SPAG16: variants seen among roughly 807,000 people sequenced by gnomAD.
SPAG16 encodes the protein sperm-associated antigen 16 protein.
Under a neutral mutation model 80.4 loss-of-function variants are expected in SPAG16, and 86 were observed. The observed-to-expected ratio is 1.07, with a 90% CI of 0.90 to 1.28. The LOEUF (loss-of-function observed/expected upper bound fraction) is 1.28. SPAG16 is among the 50% of genes most tolerant of loss of function. The pLI is 0.00. For missense variants in SPAG16, 870 were observed against 765.3 expected (o/e 1.14, Z -1.61); for synonymous variants, 294 against 265.9 (o/e 1.11, Z -1.03).
chr2:213,550,204 G>A (rs1319544061), intron 10 of SPAG16, among the ~76,000 whole-genome samples: 1 of 150,334 alleles, frequency 6.7e-6, no homozygotes, highest in Non-Finnish European at 1.5e-5. Context: ...ATTTGAATTA[G>A]GAATATCACA....
chr2:213,892,464 G>A (rs1174692527), intron 11 of SPAG16, among the ~76,000 whole-genome samples: 1 of 151,992 alleles, frequency 6.6e-6, no homozygotes, highest in Non-Finnish European at 1.5e-5. Context: ...TAAAAAACAA[G>A]GAATTAATAA....
At chr2:213,415,700 GT>G (rs1332722319) in intron 9 of SPAG16, among the ~76,000 whole-genome samples, 1 of 152,080 alleles carries the variant, frequency 6.6e-6, no homozygotes, top group Non-Finnish European at 1.5e-5. Context: ...TGAGGGGAAG[GT>G]TTTGGAGGAG....
chr2:214,232,995 T>C (rs1441628675), intron 15 of SPAG16, among the ~76,000 whole-genome samples: 1 of 151,942 alleles, frequency 6.6e-6, no homozygotes, highest in Non-Finnish European at 1.5e-5. Context: ...CAAAATAAAA[T>C]GTGCAGTGAA....
chr2:214,191,713 C>CAAA (rs71037350), intron 15 of SPAG16, among the ~76,000 whole-genome samples: 24 of 68,654 alleles, frequency 3.5e-4, no homozygotes, highest in African/African-American at 7.8e-4. Context: ...GACTCTGTCT[C>CAAA]AAAAAAAAAA....
At chr2:213,535,950 C>T (rs1363641496) in intron 10 of SPAG16, among the ~76,000 whole-genome samples, 1 of 151,798 alleles carries the variant, frequency 6.6e-6, no homozygotes, top group Non-Finnish European at 1.5e-5. Context: ...ATAATAGGGA[C>T]ATTTTAAGAA....
At chr2:213,631,964 T>G (rs2062170617) in intron 10 of SPAG16, among the ~76,000 whole-genome samples, 1 of 152,192 alleles carries the variant, frequency 6.6e-6, no homozygotes, top group South Asian at 2.1e-4. Context: ...TTGGCTATTC[T>G]GAGTCTTTTA....
intron 9 of SPAG16, among the ~76,000 whole-genome samples, chr2:213,416,235 T>C (rs371847962): frequency 6.6e-6 from 1 of 152,346 alleles, no homozygotes; most frequent in South Asian, 2.1e-4. Flanking sequence ...CTGTGGTACA[T>C]GCAGAGGCTT....
chr2:213,830,508 T>G lies in SPAG16; in HGVS notation c.1071-31977T>G, dbSNP rs75093436. Among the ~76,000 whole-genome samples the G allele has an allele frequency of 5.5e-3, 839 of 152,282 alleles. 17 individuals carry two copies. Among genetic ancestry groups the G allele is most frequent in the East Asian group, 0.046 (236 of 5,184 alleles). On this transcript the variant is annotated intron_variant, in intron 10 of 15. Coordinates refer to ENST00000331683, the MANE Select transcript of SPAG16 (RefSeq NM_024532.5). The stretch of plus-strand genomic sequence containing the variant: ...TATAAAGGTGGTTTTTTTGTGTAGT[T>G]AGTTGTTAAATTTGGTGTTCCTGCA...
chr2:213,292,390 T>C (rs28480439), intron 1 of SPAG16, among the ~76,000 whole-genome samples: 32,686 of 151,708 alleles, frequency 0.22, 4,367 homozygotes, highest in Non-Finnish European at 0.31. Flanking sequence ...AGAGGCCGGG[T>C]GCGGTGGCTC....
intron 12 of SPAG16, among the ~76,000 whole-genome samples, chr2:213,933,634 A>C (rs1414673427): frequency 6.6e-6 from 1 of 152,228 alleles, no homozygotes; most frequent in Non-Finnish European, 1.5e-5. Context: ...ACAGACAAGA[A>C]TTGGGTGGTT....
chr2:214,357,727 T>G (rs1328733645), intron 15 of SPAG16, among the ~76,000 whole-genome samples: 1 of 151,978 alleles, frequency 6.6e-6, no homozygotes, highest in African/African-American at 2.4e-5. Context: ...TAACTCTCCT[T>G]CATGTGGCTT....
At chr2:213,799,697 T>A (rs1013109770) in intron 10 of SPAG16, among the ~76,000 whole-genome samples, 2 of 152,142 alleles carry the variant, frequency 1.3e-5, no homozygotes, top group African/African-American at 2.4e-5. Flanking sequence ...AAATATAACA[T>A]AAATGATTAC....
chr2:213,401,687 T>TGGTGATTTTGTCCACTTATATTTA (rs2068316812), intron 9 of SPAG16, among the ~76,000 whole-genome samples: 2 of 152,218 alleles, frequency 1.3e-5, no homozygotes, highest in Non-Finnish European at 2.9e-5. Flanking sequence ...TTCATTTATC[T>TGGTGATTTTGTCCACTTATATTTA]GGTGATTTTG....
intron 10 of SPAG16, among the ~76,000 whole-genome samples, chr2:213,695,119 C>G (rs1257752162): frequency 1.3e-5 from 2 of 152,160 alleles, no homozygotes; most frequent in East Asian, 3.9e-4. Flanking sequence ...GATTAGACCT[C>G]AAAATTCTCT....
chr2:214,067,127 G>A (rs2125207943), intron 13 of SPAG16, among the ~76,000 whole-genome samples: 1 of 152,194 alleles, frequency 6.6e-6, no homozygotes, highest in East Asian at 1.9e-4. Flanking sequence ...TAACTTTTCA[G>A]CTTTCTATGT....
chr2:213,499,117 G>A (rs1254410570), intron 10 of SPAG16, among the ~76,000 whole-genome samples: 1 of 151,716 alleles, frequency 6.6e-6, no homozygotes, highest in African/African-American at 2.4e-5. Flanking sequence ...TGTGTCCTTT[G>A]CTTCTGCACC....
intron 12 of SPAG16, among the ~76,000 whole-genome samples, chr2:213,975,380 A>G (rs1008530052): frequency 2.6e-5 from 4 of 151,652 alleles, no homozygotes; most frequent in African/African-American, 9.7e-5. Flanking sequence ...AGAAATTAAT[A>G]GCAAAATGTT....
chr2:214,264,177 C>T (rs945505165), intron 15 of SPAG16, among the ~76,000 whole-genome samples: 1 of 152,178 alleles, frequency 6.6e-6, no homozygotes, highest in African/African-American at 2.4e-5. Context: ...CATACTCCTC[C>T]TAATAGGCAA....
intron 15 of SPAG16, among the ~76,000 whole-genome samples, chr2:214,283,553 T>C (rs943779965): frequency 6.6e-6 from 1 of 152,170 alleles, no homozygotes; most frequent in Non-Finnish European, 1.5e-5. Context: ...CATTAAGTTA[T>C]GGAGCAAGAA....
Sources: gnomAD v4.1 joint callset for allele counts (sites outside exome capture counted in the v4.1 genomes callset) on GRCh38, gnomAD v4.1.1 for gene constraint, MANE v1.5 for transcripts, NCBI Gene and HGNC (gene_info 2026-07-23, HGNC 2026-07-21) for gene names.